Variants in GNAQ observed in about 807,000 individuals in gnomAD.
GNAQ encodes the protein guanine nucleotide-binding protein G(q) subunit alpha.
A neutral mutation model predicts 43.9 loss-of-function variants in GNAQ; 8 were observed. The ratio of observed to expected loss-of-function variants is 0.18; its 90% CI spans 0.11 to 0.33. The LOEUF (loss-of-function observed/expected upper bound fraction) is 0.33. Among genes scored for constraint, GNAQ ranks in the 10% least tolerant of loss-of-function variants. GNAQ has a pLI of 1.00. For synonymous variants in GNAQ, 155 were observed against 170.7 expected (o/e 0.91, Z 0.71); for missense variants, 158 against 450.8 (o/e 0.35, Z 5.88).
At chr9:77,755,965 C>T (rs1825897104) in intron 5 of GNAQ, among the ~76,000 whole-genome samples, 1 of 152,026 alleles carries the variant, frequency 6.6e-6, no homozygotes, top group African/African-American at 2.4e-5. Context: ...AAAGGCAGAC[C>T]CTTCCTCAGT....
intron 6 of GNAQ, 37 bp from the exon 7 acceptor site, chr9:77,721,550 T>C (rs777234154): frequency 3.3e-6 from 4 of 1,201,758 alleles, no homozygotes; most frequent in East Asian, 2.3e-5. Flanking sequence ...CTTTGTTACC[T>C]AATCTGCTAA....
At chr9:77,960,664 T>C (rs899669962) in intron 1 of GNAQ, among the ~76,000 whole-genome samples, 4 of 152,006 alleles carry the variant, frequency 2.6e-5, no homozygotes, top group African/African-American at 9.7e-5. Flanking sequence ...TGCTGGATCA[T>C]CAATAATACA....
At chr9:77,842,625 T>C (rs777412840) in intron 2 of GNAQ, among the ~76,000 whole-genome samples, 2 of 152,148 alleles carry the variant, frequency 1.3e-5, no homozygotes, top group Non-Finnish European at 2.9e-5. Context: ...TACAGCATGC[T>C]TTCCAAGGCT....
Position 77,821,612 on chromosome 9 carries a change from C to T in GNAQ, c.322-5842G>A, listed in dbSNP as rs75891571. On this transcript the variant is annotated intron_variant, in intron 2 of 6. Transcript: ENST00000286548. Reference sequence around the variant, plus strand: ...TTGATATAATTACATAATTCCATTACAAAGAACACTGCCTTCAGGTCTATA... The same window carrying T: ...TTGATATAATTACATAATTCCATTATAAAGAACACTGCCTTCAGGTCTATA... Among the ~76,000 whole-genome samples, 1,208 of 152,086 alleles carry T rather than the reference C, an allele frequency of 7.9e-3. 16 individuals are homozygous for T. The highest frequency in any genetic ancestry group is 0.028 in the African/African-American group (1,152 of 41,488).
intron 5 of GNAQ, among the ~76,000 whole-genome samples, chr9:77,739,643 A>T (rs1245006889): frequency 6.6e-6 from 1 of 152,252 alleles, no homozygotes; most frequent in Non-Finnish European, 1.5e-5. Context: ...AAGTCAGCTC[A>T]GTTTATGGCA....
chr9:78,003,820 A>G (rs914249093), intron 1 of GNAQ, among the ~76,000 whole-genome samples: 1 of 152,020 alleles, frequency 6.6e-6, no homozygotes, highest in Non-Finnish European at 1.5e-5. Context: ...TCTAAAAAAA[A>G]AAAAAAGAAA....
At chr9:77,985,616 G>A (rs972554485) in intron 1 of GNAQ, among the ~76,000 whole-genome samples, 5 of 151,894 alleles carry the variant, frequency 3.3e-5, no homozygotes, top group East Asian at 1.9e-4. Context: ...ACAGAGTCTC[G>A]CTCTGTGGCT....
intron 2 of GNAQ, among the ~76,000 whole-genome samples, chr9:77,907,643 T>C (rs1417269118): frequency 6.6e-6 from 1 of 151,780 alleles, no homozygotes; most frequent in East Asian, 1.9e-4. Flanking sequence ...GTAAAAGGAG[T>C]GTACAGTCAA....
intron 2 of GNAQ, among the ~76,000 whole-genome samples, chr9:77,828,760 G>A (rs1461017963): frequency 3.9e-5 from 6 of 152,154 alleles, no homozygotes; most frequent in African/African-American, 1.4e-4. Context: ...GACCAGTACA[G>A]GACAGAAAAA....
chr9:77,825,238 C>G (rs1321588063), intron 2 of GNAQ, among the ~76,000 whole-genome samples: 1 of 152,166 alleles, frequency 6.6e-6, no homozygotes, highest in Non-Finnish European at 1.5e-5. Context: ...CCAAAAAGAT[C>G]TGCTGCAAAA....
intron 2 of GNAQ, among the ~76,000 whole-genome samples, chr9:77,903,977 AG>A (rs1828660313): frequency 6.6e-6 from 1 of 152,182 alleles, no homozygotes; most frequent in Non-Finnish European, 1.5e-5. Flanking sequence ...CTCTCAAAAC[AG>A]GCAAAATGTA....
intron 2 of GNAQ, among the ~76,000 whole-genome samples, chr9:77,833,981 A>C (rs1827342610): frequency 6.6e-6 from 1 of 152,162 alleles, no homozygotes; most frequent in African/African-American, 2.4e-5. Context: ...GGTTTTTTTT[A>C]ACATAGAGAA....
chr9:77,769,918 T>C (rs1033823826), intron 5 of GNAQ, among the ~76,000 whole-genome samples: 1 of 151,998 alleles, frequency 6.6e-6, no homozygotes, highest in African/African-American at 2.4e-5. Flanking sequence ...TGCCCGCCTC[T>C]GCCTCCCAAA....
chr9:77,919,625 T>A (rs1250796600), intron 2 of GNAQ, among the ~76,000 whole-genome samples: 2 of 152,066 alleles, frequency 1.3e-5, no homozygotes, highest in Non-Finnish European at 2.9e-5. Flanking sequence ...CTTTAGAACA[T>A]GTATATGATA....
At chr9:77,871,618 G>A (rs1828039221) in intron 2 of GNAQ, among the ~76,000 whole-genome samples, 1 of 152,018 alleles carries the variant, frequency 6.6e-6, no homozygotes, top group Admixed American at 6.6e-5. Context: ...TCAAAGGCCA[G>A]GTATTTAAAT....
chr9:77,734,011 G>C (rs1203449627), intron 5 of GNAQ, among the ~76,000 whole-genome samples: 1 of 152,180 alleles, frequency 6.6e-6, no homozygotes, highest in Non-Finnish European at 1.5e-5. Flanking sequence ...GCTACTGTCT[G>C]GCACAAATCT....
intron 2 of GNAQ, among the ~76,000 whole-genome samples, chr9:77,911,802 A>C (rs987760736): frequency 6.6e-6 from 1 of 152,182 alleles, no homozygotes; most frequent in African/African-American, 2.4e-5. Flanking sequence ...GAAATGCTTA[A>C]AGTGAGAAAG....
intron 1 of GNAQ, among the ~76,000 whole-genome samples, chr9:77,927,729 A>G (rs1829090525): frequency 6.6e-6 from 1 of 152,090 alleles, no homozygotes; most frequent in Non-Finnish European, 1.5e-5. Context: ...CACAATGAAT[A>G]TATTTATTTC....
chr9:77,997,868 T>C (rs760179501), intron 1 of GNAQ, among the ~76,000 whole-genome samples: 1 of 152,114 alleles, frequency 6.6e-6, no homozygotes, highest in Non-Finnish European at 1.5e-5. Context: ...TAAATGATCA[T>C]TACACTACTA....
Sources: gnomAD v4.1 joint callset for allele counts (sites outside exome capture counted in the v4.1 genomes callset) on GRCh38, gnomAD v4.1.1 for gene constraint, MANE v1.5 for transcripts, NCBI Gene and HGNC (gene_info 2026-07-23, HGNC 2026-07-21) for gene names.